Variants in TCF4 observed in about 807,000 individuals in gnomAD.
The protein encoded by TCF4 is SL3-3 enhancer factor 2.
TCF4 carries 3 observed loss-of-function variants against 82.1 expected under a neutral mutation model. The observed-to-expected ratio is 0.04, with a 90% CI of 0.02 to 0.09. The LOEUF is 0.09. Among genes scored for constraint, TCF4 ranks in the 10% least tolerant of loss-of-function variants. The pLI, the probability that TCF4 is intolerant of heterozygous loss-of-function variation, is 1.00. For synonymous variants in TCF4, 276 were observed against 309.6 expected (o/e 0.89, Z 1.14); for missense variants, 518 against 852.7 (o/e 0.61, Z 4.89).
chr18:55,564,029 C>T (rs931203497), intron 3 of TCF4, among the ~76,000 whole-genome samples: 43 of 152,174 alleles, frequency 2.8e-4, no homozygotes, highest in Admixed American at 6.5e-5. Context: ...GCAAATTCAG[C>T]ACGCACTGAA....
At chr18:55,429,852 T>C (rs977274071) in intron 5 of TCF4, among the ~76,000 whole-genome samples, 1 of 141,588 alleles carries the variant, frequency 7.1e-6, no homozygotes, top group Admixed American at 7.2e-5. Context: ...CACCTCCAAA[T>C]CCTGAAGATT....
chr18:55,604,870 G>A lies in TCF4; in HGVS notation c.287-17734C>T, dbSNP rs2097700840. Among the ~76,000 whole-genome samples the A allele has an allele frequency of 3.3e-5, 5 of 152,208 alleles. No homozygotes were observed. In the South Asian group the frequency reaches 1.0e-3, roughly 32 times the overall value. On this transcript the variant is annotated intron_variant, in intron 2 of 20. Coordinates refer to the TCF4 transcript ENST00000398339. ...GGAATGGGAAGAAGTGGGGATGGTCGGCAAAATCACTGAAGGCAGGCCATT... is the reference window on the plus strand; with the variant it reads ...GGAATGGGAAGAAGTGGGGATGGTCAGCAAAATCACTGAAGGCAGGCCATT...
intron 6 of TCF4, among the ~76,000 whole-genome samples, chr18:55,359,735 T>A (rs542111617): frequency 6.6e-6 from 1 of 152,210 alleles, no homozygotes; most frequent in Middle Eastern, 3.2e-3. Flanking sequence ...ATACAAAACA[T>A]AAAATTTGAT....
At position 55,466,077 on chromosome 18, in the gene TCF4, G is replaced by C. The variant is rs74748086; in HGVS notation, c.146-1940C>G. On this transcript the variant is annotated intron_variant, in intron 3 of 19. Transcript: ENST00000354452. ...GGCTTTTGCATCCCAAAGGACATTT[G>C]GCAAAGCCACCCAGGAGACAGTTTT... Among the ~76,000 whole-genome samples, 532 of 152,326 alleles carry C rather than the reference G, an allele frequency of 3.5e-3. 2 individuals are homozygous for C. Among genetic ancestry groups the C allele is most frequent in the Middle Eastern group, 0.01 (3 of 294 alleles).
chr18:55,622,906 G>GTGTGTGTTT (rs2097722939), intron 2 of TCF4, among the ~76,000 whole-genome samples: 3 of 68,488 alleles, frequency 4.4e-5, no homozygotes, highest in Admixed American at 3.7e-4. Context: ...TGTGTGTGTT[G>GTGTGTGTTT]TGGAGATGGT....
chr18:55,421,070 A>G (rs542821328), intron 5 of TCF4, among the ~76,000 whole-genome samples: 1 of 152,136 alleles, frequency 6.6e-6, no homozygotes, highest in African/African-American at 2.4e-5. Context: ...ACACAAAAAA[A>G]GAAATAAACT....
Position 55,222,656 on chromosome 18 carries a change from C to T in TCF4, c.*5379G>A, listed in dbSNP as rs959386093. 4 of 152,620 alleles carry T rather than the reference C, an allele frequency of 2.6e-5. No individual in the cohort carries two copies. Among genetic ancestry groups the T allele is most frequent in the African/African-American group, 9.6e-5 (4 of 41,460 alleles). 9.5% of individuals were successfully genotyped at this position (152,620 alleles called of 1,614,324 possible). ...GATTAGAACATTCTGTTATGAAGCG[C>T]TCAGCTACCGCGGGCTTTCCTTTAC... On this transcript the variant is annotated 3_prime_UTR_variant, in exon 20 of 20. Coordinates refer to ENST00000354452, the MANE Select transcript of TCF4 (RefSeq NM_001083962.2).
At position 55,226,198 on chromosome 18, in the gene TCF4, G is replaced by A. The variant is rs1169607113; in HGVS notation, c.*1837C>T. The A allele has an allele frequency of 6.6e-6, 1 of 152,410 alleles. No homozygotes were observed. Among genetic ancestry groups the A allele is most frequent in the Non-Finnish European group, 1.5e-5 (1 of 67,970 alleles). 9.4% of individuals were successfully genotyped at this position (152,410 alleles called of 1,614,324 possible). A position where few individuals can be genotyped will look rare whatever the true frequency, so the allele number is the denominator to read the frequency against. ...TAACTGGCAAAACAGGAGAACAGAT[G>A]GAACATTTAGACCATTTCAATGGAT... On this transcript the variant is annotated 3_prime_UTR_variant, in exon 20 of 20. Coordinates refer to ENST00000354452, the MANE Select transcript of TCF4 (RefSeq NM_001083962.2).
At position 55,359,349 on chromosome 18, in the gene TCF4, G is replaced by A. The variant is rs111344420; in HGVS notation, c.370-8346C>T. On this transcript the variant is annotated intron_variant, in intron 6 of 19. Coordinates refer to ENST00000354452, the MANE Select transcript of TCF4 (RefSeq NM_001083962.2). ...CATTTCAGTCCTCTTCCTTCTAGAC[G>A]TTTCCTTCCACTTCATCTGAAAAAT... Among the ~76,000 whole-genome samples, 716 of 151,796 alleles carry A rather than the reference G, an allele frequency of 4.7e-3. 3 individuals are homozygous for A. The highest frequency in any genetic ancestry group is 0.017 in the African/African-American group (683 of 41,362).
intron 8 of TCF4, among the ~76,000 whole-genome samples, chr18:55,308,628 G>A (rs1175994840): frequency 2.0e-5 from 3 of 152,180 alleles, no homozygotes; most frequent in African/African-American, 7.2e-5. Flanking sequence ...GTCCCTTCTG[G>A]AGGGTATCAC....
chr18:55,604,774 G>T (rs2097700698), intron 2 of TCF4, among the ~76,000 whole-genome samples: 1 of 152,114 alleles, frequency 6.6e-6, no homozygotes, highest in Admixed American at 6.5e-5. Flanking sequence ...TAAGAAGGTT[G>T]GTGGTCATTG....
Position 55,234,530 on chromosome 18 carries a change from C to G in TCF4, c.1486+18G>C. 6.2e-7 allele frequency: 1 copy of G among 1,614,116 alleles called. No homozygotes were observed. Among genetic ancestry groups the G allele is most frequent in the South Asian group, 1.1e-5 (1 of 91,078 alleles). ...TTGTGAAAGTGAGGTCAGAAGTGCC[C>G]TGGTGAGGCCAACCTACCTCTGTAA... On this transcript the variant is annotated intron_variant, in intron 16 of 19. Coordinates refer to ENST00000354452, the MANE Select transcript of TCF4 (RefSeq NM_001083962.2).
At chr18:55,382,349 C>T (rs956320871) in intron 6 of TCF4, among the ~76,000 whole-genome samples, 4 of 152,034 alleles carry the variant, frequency 2.6e-5, no homozygotes, top group Non-Finnish European at 5.9e-5. Context: ...AAAAATCTTG[C>T]TTCCTCCCCT....
chr18:55,301,814 T>TAG (rs2068393294), intron 8 of TCF4, among the ~76,000 whole-genome samples: 1 of 74,802 alleles, frequency 1.3e-5, no homozygotes, highest in South Asian at 4.8e-4. Context: ...AAAAAAAAAG[T>TAG]GGGGGGGGAT....
chr18:55,493,345 T>G (rs2096595440), intron 3 of TCF4, among the ~76,000 whole-genome samples: 2 of 152,128 alleles, frequency 1.3e-5, no homozygotes, highest in Admixed American at 6.6e-5. Flanking sequence ...TCAAAGCAAT[T>G]TGGGAATCAT....
chr18:55,590,035 C>T (rs2097681808), upstream of TCF4, among the ~76,000 whole-genome samples: 2 of 152,224 alleles, frequency 1.3e-5, no homozygotes, highest in Admixed American at 6.5e-5. Flanking sequence ...CGTTCGCAGG[C>T]CCCATTTCCC....
At chr18:55,342,902 T>C (rs2080298408) in intron 8 of TCF4, among the ~76,000 whole-genome samples, 2 of 152,114 alleles carry the variant, frequency 1.3e-5, no homozygotes, top group South Asian at 2.1e-4. Context: ...TAGCAGCTAA[T>C]GATATAATGA....
At chr18:55,228,175 A>G in intron 19 of TCF4, 46 bp downstream of exon 19, 1 of 1,612,586 alleles carries the variant, frequency 6.2e-7, no homozygotes, top group South Asian at 1.1e-5. Flanking sequence ...TACACTGATG[A>G]GAGTTTTGAA....
chr18:55,356,660 T>C (rs551006585), intron 6 of TCF4, among the ~76,000 whole-genome samples: 2 of 152,320 alleles, frequency 1.3e-5, no homozygotes, highest in East Asian at 3.9e-4. Context: ...TGGTCACTGA[T>C]AAATAACCTC....
Sources: allele counts gnomAD v4.1 joint callset (sites outside exome capture counted in the v4.1 genomes callset), GRCh38; gene constraint gnomAD v4.1.1; transcripts MANE v1.5; gene names NCBI Gene and HGNC (gene_info 2026-07-23, HGNC 2026-07-21).